The following PKHD1 variants were observed in gnomAD, a reference collection of about 807,000 sequenced individuals.
PKHD1 encodes the protein PKHD1 ciliary IPT domain containing fibrocystin/polyductin.
In PKHD1, 291 loss-of-function variants were observed where a neutral mutation model predicts 412.0. The ratio of observed to expected loss-of-function variants is 0.71; its 90% CI spans 0.64 to 0.78. The LOEUF is 0.78. PKHD1 is among the 30% of genes least tolerant of loss of function. The pLI is 0.00. For missense variants in PKHD1, 4,825 were observed against 4,950.7 expected (o/e 0.97, Z 0.76); for synonymous variants, 1,777 against 1,821.5 (o/e 0.98, Z 0.62).
chr6:52,087,202 G>A (rs1812920247), intron 1 of PKHD1, among the ~76,000 whole-genome samples: 1 of 152,120 alleles, frequency 6.6e-6, no homozygotes, highest in Admixed American at 6.5e-5. Context: ...AGAGCTGTGT[G>A]CATTTATTTA....
intron 60 of PKHD1, among the ~76,000 whole-genome samples, chr6:51,692,447 A>G (rs926852373): frequency 6.6e-6 from 1 of 152,158 alleles, no homozygotes; most frequent in African/African-American, 2.4e-5. Context: ...TCCATGACTT[A>G]GTCACTGATT....
chr6:51,836,260 C>T lies in PKHD1; in HGVS notation c.8173+144G>A, dbSNP rs9474104. ...GCAGATACATATTTTAGTTACAGGG[C>T]AACACAATAGAGAGTTATCAGACAT... On this transcript the variant is annotated intron_variant, in intron 51 of 66. Coordinates refer to ENST00000371117, the MANE Select transcript of PKHD1 (RefSeq NM_138694.4). 0.4 allele frequency: 278,007 copies of T among 694,028 alleles called. 60,450 individuals carry two copies. Among genetic ancestry groups the T allele is most frequent in the African/African-American group, 0.59 (33,351 of 56,608 alleles). 43.0% of individuals were successfully genotyped at this position (694,028 alleles called of 1,614,324 possible).
At chr6:51,630,058 G>A (rs528058248) in intron 65 of PKHD1, among the ~76,000 whole-genome samples, 11 of 152,164 alleles carry the variant, frequency 7.2e-5, no homozygotes, top group South Asian at 4.1e-4. Context: ...TCACGACTCC[G>A]TGAAACAATA....
intron 35 of PKHD1, among the ~76,000 whole-genome samples, chr6:52,005,327 AC>A (rs1164573619): frequency 6.6e-6 from 1 of 152,196 alleles, no homozygotes; most frequent in Non-Finnish European, 1.5e-5. Flanking sequence ...CTTGGGGATT[AC>A]TTGTCACCTG....
chr6:52,026,912 T>C (rs1466225866), intron 31 of PKHD1, among the ~76,000 whole-genome samples: 2 of 152,192 alleles, frequency 1.3e-5, no homozygotes, highest in African/African-American at 2.4e-5. Context: ...GATTTTACTA[T>C]ACCCAAAAAG....
At chr6:51,778,120 A>AC (rs1288225107) in intron 53 of PKHD1, among the ~76,000 whole-genome samples, 1 of 30,008 alleles carries the variant, frequency 3.3e-5, no homozygotes. Flanking sequence ...TTTTCTTCTC[A>AC]ATCTAGCAAT....
At chr6:51,780,424 A>G (rs866160967) in intron 53 of PKHD1, among the ~76,000 whole-genome samples, 3 of 152,136 alleles carry the variant, frequency 2.0e-5, no homozygotes, top group Middle Eastern at 3.4e-3. Context: ...AGCAAGCCAC[A>G]GAGTGGGAAA....
chr6:52,083,677 T>C (rs6930725), intron 2 of PKHD1, among the ~76,000 whole-genome samples: 3,054 of 152,240 alleles, frequency 0.02, 96 homozygotes, highest in African/African-American at 0.07. Flanking sequence ...TATTTCCCTG[T>C]AAAGATCATC....
At position 52,025,004 on chromosome 6, in the gene PKHD1, G is replaced by A. The variant is rs1411503437; in HGVS notation, c.4806C>T (p.Asn1602=). 2 of 1,614,092 alleles carry A rather than the reference G, an allele frequency of 1.2e-6. No individual in the cohort carries two copies. The highest frequency in any genetic ancestry group is 2.2e-5 in the East Asian group (1 of 44,900). ...TIEGTGLRGQ[N]TTSVYIDQQT... ...GCTGGTCAATATAGACTGACGTGGT[G>A]TTCTGTCCTCTCAGGCCTGTGCCCT... The change falls in exon 32 of 67, where the codon AAC becomes AAT. Residue 1602 remains asparagine, a synonymous_variant. Coordinates refer to ENST00000371117, the MANE Select transcript of PKHD1 (RefSeq NM_138694.4).
intron 35 of PKHD1, among the ~76,000 whole-genome samples, chr6:51,971,063 C>A (rs903245485): frequency 6.6e-6 from 1 of 152,066 alleles, no homozygotes; most frequent in African/African-American, 2.4e-5. Flanking sequence ...ATGTTTTTTC[C>A]ATTTGTTTGT....
At chr6:51,722,589 T>G (rs2150834764) in intron 60 of PKHD1, among the ~76,000 whole-genome samples, 1 of 152,338 alleles carries the variant, frequency 6.6e-6, no homozygotes, top group South Asian at 2.1e-4. Context: ...AATGCAGGCA[T>G]GCAAGAGGCA....
At chr6:52,030,568 T>C (rs2128158354) in intron 29 of PKHD1, among the ~76,000 whole-genome samples, 1 of 151,464 alleles carries the variant, frequency 6.6e-6, no homozygotes, top group Admixed American at 6.6e-5. Flanking sequence ...ATTATTTGGG[T>C]GGTATTTTGA....
chr6:51,682,972 G>T (rs1043287754), intron 60 of PKHD1, among the ~76,000 whole-genome samples: 1 of 151,948 alleles, frequency 6.6e-6, no homozygotes, highest in Non-Finnish European at 1.5e-5. Context: ...CATGGCAGGG[G>T]AAAATATATT....
chr6:52,082,580 T>C, intron 3 of PKHD1, 38 bp from the exon 4 acceptor site: 2 of 1,606,342 alleles, frequency 1.2e-6, no homozygotes, highest in Non-Finnish European at 1.7e-6. Context: ...TGCATAGAAT[T>C]GTCATTGACA....
chr6:51,965,833 A>G (rs984983658), intron 35 of PKHD1, among the ~76,000 whole-genome samples: 1 of 152,036 alleles, frequency 6.6e-6, no homozygotes, highest in African/African-American at 2.4e-5. Flanking sequence ...TATCTAAGTT[A>G]TTAGCCCTCT....
chr6:51,994,053 G>A (rs1199094362), intron 35 of PKHD1, among the ~76,000 whole-genome samples: 1 of 152,066 alleles, frequency 6.6e-6, no homozygotes, highest in Non-Finnish European at 1.5e-5. Context: ...GACTCTCCAA[G>A]CTTTTAATGT....
At chr6:52,085,350 T>G (rs1266590283) in intron 1 of PKHD1, among the ~76,000 whole-genome samples, 2 of 152,244 alleles carry the variant, frequency 1.3e-5, no homozygotes, top group Non-Finnish European at 2.9e-5. Context: ...TCTGTTTTGC[T>G]TTGCCCTGTG....
intron 56 of PKHD1, 115 bp from the exon 57 acceptor site, chr6:51,753,468 A>G: frequency 1.2e-6 from 1 of 837,620 alleles, no homozygotes; most frequent in Non-Finnish European, 2.0e-6. Context: ...CAGAAGTTCT[A>G]CCAACATTAA....
intron 51 of PKHD1, 101 bp downstream of exon 51, chr6:51,836,303 T>C: frequency 9.8e-6 from 8 of 817,980 alleles, no homozygotes; most frequent in Non-Finnish European, 1.1e-5. Context: ...TTAGGACTGA[T>C]ACCTGCCTGT....
Sources: allele counts gnomAD v4.1 joint callset (sites outside exome capture counted in the v4.1 genomes callset), GRCh38; gene constraint gnomAD v4.1.1; transcripts MANE v1.5; gene names NCBI Gene and HGNC (gene_info 2026-07-23, HGNC 2026-07-21).